Variants in A1CF observed in about 807,000 individuals in gnomAD.
The protein encoded by A1CF is APOBEC1 complementation factor.
In A1CF, 48 loss-of-function variants were observed where a neutral mutation model predicts 68.9. That is an observed-to-expected ratio of 0.70 (90% CI 0.55 to 0.89). The LOEUF (loss-of-function observed/expected upper bound fraction) is 0.89. Among genes scored for constraint, A1CF ranks in the 40% least tolerant of loss-of-function variants. The pLI, the probability that A1CF is intolerant of heterozygous loss-of-function variation, is 0.00. For missense variants in A1CF, 653 were observed against 718.9 expected (o/e 0.91, Z 1.05); for synonymous variants, 272 against 260.4 (o/e 1.04, Z -0.43).
At chr10:50,812,772 C>T (rs1221448987) in intron 10 of A1CF, among the ~76,000 whole-genome samples, 1 of 152,130 alleles carries the variant, frequency 6.6e-6, no homozygotes, top group Non-Finnish European at 1.5e-5. Context: ...TTGTTATATT[C>T]ACTTCTACAT....
intron 4 of A1CF, among the ~76,000 whole-genome samples, chr10:50,843,384 GC>G (rs1041212476): frequency 2.1e-4 from 32 of 152,146 alleles, no homozygotes; most frequent in African/African-American, 6.3e-4. Flanking sequence ...CAGGCAGAGA[GC>G]TAAATTCTTA....
intron 2 of A1CF, chr10:50,862,771 TACC>T (rs1438284131): frequency 1.3e-5 from 2 of 152,264 alleles, no homozygotes; most frequent in African/African-American, 4.8e-5. Context: ...TCCCAAATGC[TACC>T]AAAATTGTCT....
At chr10:50,825,540 A>G (rs1838878896) in intron 7 of A1CF, among the ~76,000 whole-genome samples, 1 of 152,160 alleles carries the variant, frequency 6.6e-6, no homozygotes. Context: ...TTGACCATGG[A>G]GCCCTTTTAT....
intron 3 of A1CF, 107 bp downstream of exon 3, chr10:50,859,735 A>G (rs1171501485): frequency 4.4e-6 from 4 of 901,472 alleles, no homozygotes; most frequent in Non-Finnish European, 6.8e-6. Context: ...ACATTTCTCT[A>G]AAGAGCTATG....
At chr10:50,826,740 C>G (rs1368872506) in intron 7 of A1CF, among the ~76,000 whole-genome samples, 1 of 152,076 alleles carries the variant, frequency 6.6e-6, no homozygotes, top group Admixed American at 6.6e-5. Flanking sequence ...GCAAAATAAC[C>G]AGCTAACATC....
At chr10:50,876,029 CT>C (rs1186266661) in intron 1 of A1CF, among the ~76,000 whole-genome samples, 1 of 152,162 alleles carries the variant, frequency 6.6e-6, no homozygotes, top group Non-Finnish European at 1.5e-5. Context: ...ACACCAGTTG[CT>C]TTTTATTTTA....
chr10:50,814,743 CT>C (rs1263680150), intron 9 of A1CF, among the ~76,000 whole-genome samples: 1 of 152,048 alleles, frequency 6.6e-6, no homozygotes, highest in African/African-American at 2.4e-5. Context: ...TGATTCCTTT[CT>C]TGTTATAAGA....
chr10:50,821,551 T>C (rs1013151435), intron 7 of A1CF, among the ~76,000 whole-genome samples: 6 of 152,034 alleles, frequency 3.9e-5, no homozygotes, highest in Admixed American at 2.0e-4. Flanking sequence ...ATTTTTTTTT[T>C]TCAGACGGAG....
intron 12 of A1CF, among the ~76,000 whole-genome samples, chr10:50,807,712 T>C (rs1369322015): frequency 4.6e-5 from 7 of 152,246 alleles, no homozygotes; most frequent in Non-Finnish European, 8.8e-5. Flanking sequence ...TGTTTTAGTT[T>C]AAAACCTGAG....
At chr10:50,876,903 A>G (rs1340449777) in intron 1 of A1CF, among the ~76,000 whole-genome samples, 1 of 152,248 alleles carries the variant, frequency 6.6e-6, no homozygotes, top group Non-Finnish European at 1.5e-5. Flanking sequence ...ATATACATAT[A>G]CTATGTTTTC....
intron 8 of A1CF, among the ~76,000 whole-genome samples, chr10:50,817,887 G>A (rs1838447419): frequency 6.6e-6 from 1 of 152,112 alleles, no homozygotes; most frequent in East Asian, 1.9e-4. Context: ...AATCTGTATA[G>A]CCCAAGCTTA....
intron 7 of A1CF, among the ~76,000 whole-genome samples, chr10:50,823,190 C>T (rs957184284): frequency 2.0e-5 from 3 of 152,108 alleles, no homozygotes; most frequent in African/African-American, 7.2e-5. Flanking sequence ...AAAAACTTAG[C>T]CTCATAAAAC....
chr10:50,854,964 TATA>T (rs762769528), intron 3 of A1CF, among the ~76,000 whole-genome samples: 9 of 151,842 alleles, frequency 5.9e-5, no homozygotes, highest in Non-Finnish European at 1.3e-4. Flanking sequence ...ATATATTAGA[TATA>T]ATGAGTCTAT....
chr10:50,846,332 G>A (rs147503682), intron 3 of A1CF, among the ~76,000 whole-genome samples: 12 of 152,142 alleles, frequency 7.9e-5, no homozygotes, highest in African/African-American at 1.7e-4. Context: ...AATTAAAAAC[G>A]TCTGAAATCC....
chr10:50,851,531 A>G (rs1840239970), intron 3 of A1CF, among the ~76,000 whole-genome samples: 1 of 152,236 alleles, frequency 6.6e-6, no homozygotes, highest in African/African-American at 2.4e-5. Flanking sequence ...GAATATCAGT[A>G]TCATTTCCCA....
At chr10:50,819,662 C>T (rs1209144568) in intron 8 of A1CF, among the ~76,000 whole-genome samples, 3 of 152,130 alleles carry the variant, frequency 2.0e-5, no homozygotes, top group East Asian at 3.8e-4. Flanking sequence ...GCATTATGTT[C>T]CAGCCAAGTT....
chr10:50,820,810 C>T (rs1838619066), intron 7 of A1CF, among the ~76,000 whole-genome samples, 161 bp from the exon 8 acceptor site: 1 of 151,870 alleles, frequency 6.6e-6, no homozygotes, highest in Admixed American at 6.6e-5. Context: ...ATTTTTTTTG[C>T]AGTTTTTAAA....
In A1CF at chr10:50,821,700, G is replaced by A. The variant is rs138286570; in HGVS notation, c.770-1051C>T. Among the ~76,000 whole-genome samples the A allele has an allele frequency of 3.8e-4, 58 of 152,012 alleles. No individual in the cohort carries two copies. The East Asian group carries it at 9.9e-3, about 26-fold the overall frequency. On this transcript the variant is annotated intron_variant, in intron 7 of 12. Transcript: ENST00000373997. The stretch of plus-strand genomic sequence containing the variant: ...ACAGGCATGCATCACCATGTGCCTG[G>A]CTAATTTTGTATTTTTAGTAGAGAA...
chr10:50,846,812 G>GA (rs1052758860), intron 3 of A1CF, among the ~76,000 whole-genome samples: 2 of 151,932 alleles, frequency 1.3e-5, no homozygotes, highest in African/African-American at 4.8e-5. Context: ...ATAAACACTT[G>GA]AAAAAAAATC....
Sources: allele counts gnomAD v4.1 joint callset (sites outside exome capture counted in the v4.1 genomes callset), GRCh38; gene constraint gnomAD v4.1.1; transcripts MANE v1.5; gene names NCBI Gene and HGNC (gene_info 2026-07-23, HGNC 2026-07-21).